Variants in THSD7B observed in about 807,000 individuals in gnomAD.
THSD7B encodes thrombospondin type 1 domain containing 7B.
THSD7B carries 138 observed loss-of-function variants against 213.6 expected under a neutral mutation model. That is an observed-to-expected ratio of 0.65 (90% CI 0.56 to 0.74). The LOEUF is 0.74. THSD7B is among the 30% of genes least tolerant of loss of function. The pLI, the probability that THSD7B is intolerant of heterozygous loss-of-function variation, is 0.00. For synonymous variants in THSD7B, 742 were observed against 687.0 expected (o/e 1.08, Z -1.25); for missense variants, 1,931 against 1,991.5 (o/e 0.97, Z 0.58).
chr2:137,067,492 A>AT (rs1687403964), intron 3 of THSD7B, among the ~76,000 whole-genome samples: 1 of 151,846 alleles, frequency 6.6e-6, no homozygotes, highest in South Asian at 2.1e-4. Context: ...GAAACAAGCA[A>AT]TTTTTTCCAT....
intron 15 of THSD7B, among the ~76,000 whole-genome samples, chr2:137,470,155 C>A (rs2105091277): frequency 6.6e-6 from 1 of 152,224 alleles, no homozygotes; most frequent in South Asian, 2.1e-4. Flanking sequence ...GCCCAATGCC[C>A]ATATTGCTTA....
intron 3 of THSD7B, among the ~76,000 whole-genome samples, chr2:137,073,542 G>A (rs1319745993): frequency 1.3e-5 from 2 of 152,154 alleles, no homozygotes; most frequent in South Asian, 4.1e-4. Flanking sequence ...ACAGCTCCTG[G>A]ATTCATTGAT....
At chr2:136,962,914 A>C (rs983168149) in intron 2 of THSD7B, among the ~76,000 whole-genome samples, 1 of 152,190 alleles carries the variant, frequency 6.6e-6, no homozygotes, top group African/African-American at 2.4e-5. Flanking sequence ...CTAATATTTC[A>C]ATTCTGATTT....
intron 7 of THSD7B, among the ~76,000 whole-genome samples, chr2:137,213,379 ATGT>A (rs950120074): frequency 4.9e-4 from 73 of 147,476 alleles, no homozygotes; most frequent in African/African-American, 1.7e-3. Context: ...AATAGTATAT[ATGT>A]TATAATATGT....
chr2:136,940,699 ACG>A (rs1684806103), intron 2 of THSD7B, among the ~76,000 whole-genome samples: 2 of 145,698 alleles, frequency 1.4e-5, no homozygotes. Flanking sequence ...GCTGAGACAT[ACG>A]TGTGTGTGTG....
intron 16 of THSD7B, among the ~76,000 whole-genome samples, chr2:137,564,194 T>A (rs565998775): frequency 1.8e-4 from 28 of 152,048 alleles, no homozygotes; most frequent in Non-Finnish European, 3.7e-4. Context: ...AGTGTCTAAA[T>A]CAGGTAGCTG....
At chr2:137,173,715 T>C (rs1431229184) in intron 7 of THSD7B, among the ~76,000 whole-genome samples, 1 of 152,170 alleles carries the variant, frequency 6.6e-6, no homozygotes, top group Non-Finnish European at 1.5e-5. Context: ...GCTGAAGCTG[T>C]CTTTTGTTCT....
chr2:137,272,147 A>C (rs752089525), intron 10 of THSD7B, among the ~76,000 whole-genome samples: 22 of 152,236 alleles, frequency 1.4e-4, no homozygotes, highest in Middle Eastern at 6.8e-3. Context: ...GCCTGGATGG[A>C]GAAATCCCTT....
intron 4 of THSD7B, among the ~76,000 whole-genome samples, chr2:137,100,761 G>A (rs538785277): frequency 5.3e-5 from 8 of 151,942 alleles, no homozygotes; most frequent in Non-Finnish European, 1.0e-4. Context: ...CAGACTCAAA[G>A]GTATTTTAAA....
intron 14 of THSD7B, among the ~76,000 whole-genome samples, chr2:137,447,883 C>T (rs2105061911): frequency 6.6e-6 from 1 of 152,058 alleles, no homozygotes; most frequent in South Asian, 2.1e-4. Flanking sequence ...GAAGAATGTT[C>T]CTTATATAGG....
intron 15 of THSD7B, among the ~76,000 whole-genome samples, chr2:137,500,096 C>T (rs1488442821): frequency 6.6e-6 from 1 of 152,068 alleles, no homozygotes; most frequent in Admixed American, 6.6e-5. Context: ...GGAGTTCAGA[C>T]AACAACCCCC....
At chr2:136,852,373 G>T (rs908019844) in intron 1 of THSD7B, among the ~76,000 whole-genome samples, 1 of 151,892 alleles carries the variant, frequency 6.6e-6, no homozygotes, top group African/African-American at 2.4e-5. Context: ...AAAACCACAG[G>T]GGAGGATTTC....
At chr2:137,428,915 A>G (rs1468860588) in intron 14 of THSD7B, among the ~76,000 whole-genome samples, 6 of 152,178 alleles carry the variant, frequency 3.9e-5, no homozygotes, top group Non-Finnish European at 8.8e-5. Flanking sequence ...GCTTGAGGGA[A>G]CCTGCTTGTC....
At chr2:136,774,299 G>T (rs1681563783) in intron 1 of THSD7B, among the ~76,000 whole-genome samples, 1 of 151,928 alleles carries the variant, frequency 6.6e-6, no homozygotes, top group African/African-American at 2.4e-5. Flanking sequence ...GACTGTAATT[G>T]GAGATGACAT....
chr2:137,599,404 A>G (rs1682032223), intron 17 of THSD7B, among the ~76,000 whole-genome samples: 2 of 152,142 alleles, frequency 1.3e-5, no homozygotes, highest in South Asian at 4.2e-4. Context: ...ATCACTGGCC[A>G]TCAGAGAAAT....
chr2:137,236,363 T>C (rs1266955800), intron 9 of THSD7B, among the ~76,000 whole-genome samples: 1 of 152,216 alleles, frequency 6.6e-6, no homozygotes, highest in Non-Finnish European at 1.5e-5. Flanking sequence ...CATGTAATTG[T>C]ACAGGTGAGA....
At chr2:137,453,689 C>G (rs974173108) in intron 15 of THSD7B, among the ~76,000 whole-genome samples, 2 of 152,062 alleles carry the variant, frequency 1.3e-5, no homozygotes, top group African/African-American at 4.8e-5. Flanking sequence ...CTACATTTAC[C>G]ATGCTATGCA....
chr2:137,439,085 G>A (rs1447837568), intron 14 of THSD7B, among the ~76,000 whole-genome samples: 1 of 152,064 alleles, frequency 6.6e-6, no homozygotes, highest in Non-Finnish European at 1.5e-5. Flanking sequence ...AAACTTTAGA[G>A]GGAACACAGC....
At chr2:137,519,163 A>T (rs1680131775) in intron 15 of THSD7B, among the ~76,000 whole-genome samples, 1 of 152,098 alleles carries the variant, frequency 6.6e-6, no homozygotes, top group South Asian at 2.1e-4. Flanking sequence ...GAGGCAGGAG[A>T]ATCACTTGAA....
Sources: allele counts gnomAD v4.1 joint callset (sites outside exome capture counted in the v4.1 genomes callset), GRCh38; gene constraint gnomAD v4.1.1; transcripts MANE v1.5; gene names NCBI Gene and HGNC (gene_info 2026-07-23, HGNC 2026-07-21).